SLC39A3: variants seen among roughly 807,000 people sequenced by gnomAD.
SLC39A3 encodes the protein zinc transporter ZIP3.
Under a neutral mutation model 5.1 loss-of-function variants are expected in SLC39A3, and 3 were observed. The observed-to-expected ratio is 0.59, with a 90% CI of 0.27 to 1.54. SLC39A3 has a LOEUF of 1.54. SLC39A3 is among the 40% of genes most tolerant of loss of function. The pLI is 0.12. For missense variants in SLC39A3, 412 were observed against 436.4 expected (o/e 0.94, Z 0.50); for synonymous variants, 250 against 218.8 (o/e 1.14, Z -1.26).
chr19:2,733,235 C>T lies in SLC39A3; in HGVS notation c.461G>A (p.Gly154Asp), dbSNP rs918575150. ...HALYVEPHGH[G>D]PSLSVQGLSR... ...GAGGCCCTGCACGCTCAGGCTGGGG[C>T]CGTGGCCGTGGGGCTCCACGTACAG... Residue 154 changes from glycine to aspartate, a missense_variant, in exon 3 of 3, where the codon GGC becomes GAC. Transcript: ENST00000269740. This position sits in a 1 kb window ranked among gnomAD's most constrained non-coding sequence, Gnocchi z 6.1. The T allele has an allele frequency of 6.2e-7, 1 of 1,608,738 alleles. No homozygotes were observed. Among genetic ancestry groups the T allele is most frequent in the Non-Finnish European group, 8.5e-7 (1 of 1,177,482 alleles).
In SLC39A3 at chr19:2,733,273, C is replaced by T. The variant is rs938541300; in HGVS notation, c.423G>A (p.Ala141=). Reference sequence around the variant, plus strand: ...GCTCCACGTACAGCGCGTGGCCCCGCGCGCCCCCCATGAAGGGGCTCTCAT... The same window carrying T: ...GCTCCACGTACAGCGCGTGGCCCCGTGCGCCCCCCATGAAGGGGCTCTCAT... The part of the protein sequence containing the change: ...SEYESPFMGG[A]RGHALYVEPH... The change falls in exon 3 of 3, where the codon GCG becomes GCA. Residue 141 remains alanine (A), a synonymous_variant. Coordinates refer to ENST00000269740, the MANE Select transcript of SLC39A3 (RefSeq NM_144564.5). This position sits in a 1 kb window ranked among gnomAD's most constrained non-coding sequence, Gnocchi z 6.1. The T allele has an allele frequency of 1.7e-5, 27 of 1,612,500 alleles. No individual in the cohort carries two copies. Among genetic ancestry groups the T allele is most frequent in the Admixed American group, 1.0e-4 (6 of 59,994 alleles).
chr19:2,737,115 T>C lies in SLC39A3; in HGVS notation c.143A>G (p.Asn48Ser), dbSNP rs777391919. 6.2e-7 allele frequency: 1 copy of C among 1,614,142 alleles called. No homozygotes were observed. The highest frequency in any genetic ancestry group is 8.5e-7 in the Non-Finnish European group (1 of 1,180,018). The change falls in exon 2 of 3, where the codon AAC becomes AGC. Residue 48 changes from asparagine to serine, a missense_variant. Transcript: ENST00000269740. ...HRSKKILSLC[N>S]TFGGGVFLAT... ...CAGAAACACCCCTCCTCCAAAGGTG[T>C]TGCAGAGAGAGAGGATCTTTTTCGA...
Position 2,735,264 on chromosome 19 carries a change from C to T in SLC39A3, c.211-1779G>A, listed in dbSNP as rs1255351942. On this transcript the variant is annotated intron_variant, in intron 2 of 2. Coordinates refer to ENST00000269740, the MANE Select transcript of SLC39A3 (RefSeq NM_144564.5). The surrounding 1 kb of genome is among the most constrained non-coding windows in gnomAD (Gnocchi z 5.7). The stretch of plus-strand genomic sequence containing the variant: ...CAGTCTTCACACACCGCGTAACGAA[C>T]GAATGCAGACTCAGCCACGCGGAAC... 6.2e-6 allele frequency: 6 copies of T among 968,554 alleles called. No homozygotes were observed. The highest frequency in any genetic ancestry group is 5.2e-4 in the Middle Eastern group (1 of 1,906). 60.0% of individuals were successfully genotyped at this position (968,554 alleles called of 1,614,324 possible). A position where few individuals can be genotyped will look rare whatever the true frequency, so the allele number is the denominator to read the frequency against.
intron 1 of SLC39A3, among the ~76,000 whole-genome samples, chr19:2,738,517 G>T (rs1237532870): frequency 1.3e-5 from 2 of 152,108 alleles, no homozygotes; most frequent in East Asian, 1.9e-4. Flanking sequence ...CTCTGCATGG[G>T]TTCTCCTCTC....
At position 2,737,139 on chromosome 19, in the gene SLC39A3, G is replaced by A. The variant is rs1337234127; in HGVS notation, c.119C>T (p.Ser40Leu). The change falls in exon 2 of 3, where the codon TCG (serine) becomes TTG (leucine). Residue 40 changes from serine (S) to leucine (L), a missense_variant. Ser to Leu is a moderately radical substitution (Grantham distance 145, BLOSUM62 -2). Transcript: ENST00000269740. ...IETDFEKAHR[S>L]KKILSLCNTF... ...GTTGCAGAGAGAGAGGATCTTTTTCGAGCGATGGGCCTTCTCAAAATCTGT... is the reference window on the plus strand; with the variant it reads ...GTTGCAGAGAGAGAGGATCTTTTTCAAGCGATGGGCCTTCTCAAAATCTGT... The A allele has an allele frequency of 3.1e-6, 5 of 1,614,100 alleles. No homozygotes were observed. The highest frequency in any genetic ancestry group is 4.2e-6 in the Non-Finnish European group (5 of 1,180,020).
rs1427269001 is a variant in SLC39A3 at position 2,735,939 on chromosome 19, T to C, written c.210+1109A>G. On this transcript the variant is annotated intron_variant, in intron 2 of 2. Transcript: ENST00000269740. The surrounding 1 kb of genome is among the most constrained non-coding windows in gnomAD (Gnocchi z 5.7). ...AGGGGTTGGGGGATAAGCTTAGGGC[T>C]TCCATGCTTTCGTTGGGAGGAAGAA... 12 of 985,474 alleles carry C rather than the reference T, an allele frequency of 1.2e-5. No homozygotes were observed. In the South Asian group the frequency reaches 4.7e-4, roughly 39 times the overall value. 61.0% of individuals were successfully genotyped at this position (985,474 alleles called of 1,614,324 possible). A position where few individuals can be genotyped will look rare whatever the true frequency, so the allele number is the denominator to read the frequency against.
In SLC39A3 at chr19:2,733,315, C is replaced by T. The variant is rs1914255656; in HGVS notation, c.381G>A (p.Val127=). The change falls in exon 3 of 3, where the codon GTG becomes GTA. Residue 127 remains valine (V), a synonymous_variant. Coordinates refer to ENST00000269740, the MANE Select transcript of SLC39A3 (RefSeq NM_144564.5). The surrounding 1 kb of genome is among the most constrained non-coding windows in gnomAD (Gnocchi z 6.1). ...DLETFNAGSD[V]GSDSEYESPF... Reference sequence around the variant, plus strand: ...GGCTCTCATACTCCGAGTCGCTGCCCACGTCCGATCCGGCGTTGAAGGTCT... The same window carrying T: ...GGCTCTCATACTCCGAGTCGCTGCCTACGTCCGATCCGGCGTTGAAGGTCT... 6.2e-7 allele frequency: 1 copy of T among 1,613,036 alleles called. No homozygotes were observed. The highest frequency in any genetic ancestry group is 1.7e-5 in the Admixed American group (1 of 60,028).
rs199647177 is a variant in SLC39A3, at chr19:2,733,322, G to A, written c.374C>T (p.Ser125Leu). The A allele has an allele frequency of 1.9e-4, 308 of 1,613,058 alleles. No individual in the cohort carries two copies. Among genetic ancestry groups the A allele is most frequent in the South Asian group, 4.8e-4 (44 of 91,086 alleles). Reference protein sequence around the residue: ...FIDLETFNAGSDVGSDSEYES... With the variant: ...FIDLETFNAGLDVGSDSEYES... The stretch of plus-strand genomic sequence containing the variant: ...ATACTCCGAGTCGCTGCCCACGTCC[G>A]ATCCGGCGTTGAAGGTCTCCAGGTC... Residue 125 changes from serine (S) to leucine (L), a missense_variant, in exon 3 of 3, where the codon TCG becomes TTG. Transcript: ENST00000269740. This position sits in a 1 kb window ranked among gnomAD's most constrained non-coding sequence, Gnocchi z 6.1.
At chr19:2,739,209 C>G (rs1201583168) in intron 1 of SLC39A3, among the ~76,000 whole-genome samples, 1 of 151,524 alleles carries the variant, frequency 6.6e-6, no homozygotes, top group Non-Finnish European at 1.5e-5. Context: ...AACAGATACT[C>G]AAAAACCGCT....
chr19:2,734,817 G>A lies in SLC39A3; in HGVS notation c.211-1332C>T. ...TTAACTCCCTCACTGACCACCGGCT[G>A]GAGGCCTCATGCATGCCTCGCTTGA... On this transcript the variant is annotated intron_variant, in intron 2 of 2. Transcript: ENST00000269740. The surrounding 1 kb of genome is among the most constrained non-coding windows in gnomAD (Gnocchi z 4.6). 2 of 985,496 alleles carry A rather than the reference G, an allele frequency of 2.0e-6. No homozygotes were observed. Among genetic ancestry groups the A allele is most frequent in the Non-Finnish European group, 2.4e-6 (2 of 829,972 alleles). The allele number at this position is 985,496 out of a possible 1,614,324, so 61.0% of individuals were successfully genotyped here.
In SLC39A3 at chr19:2,735,361, G is replaced by T; in HGVS notation, c.210+1687C>A. ...GGGCTAGCTGGGCCCTACGCTCCAG[G>T]TCTCGCAGGGTGTCATCAGGGCTGA... On this transcript the variant is annotated intron_variant, in intron 2 of 2. Transcript: ENST00000269740. This position sits in a 1 kb window ranked among gnomAD's most constrained non-coding sequence, Gnocchi z 5.7. 4.0e-6 allele frequency: 1 copy of T among 252,112 alleles called. No individual in the cohort carries two copies. The highest frequency in any genetic ancestry group is 6.3e-6 in the Non-Finnish European group (1 of 159,594). The allele number at this position is 252,112 out of a possible 1,614,324, so 15.6% of individuals were successfully genotyped here.
Position 2,732,814 on chromosome 19 carries a change from G to C in SLC39A3, c.882C>G (p.Leu294=), listed in dbSNP as rs775024323. The change falls in exon 3 of 3, where the codon CTC becomes CTG. Residue 294 remains leucine (L), a synonymous_variant. Coordinates refer to ENST00000269740, the MANE Select transcript of SLC39A3 (RefSeq NM_144564.5). ...KELEEKSDRL[L]KVLFLVLGYT... ...AGCCCAGCACCAGGAAGAGGACCTT[G>C]AGCAGACGGTCACTCTTCTCCTCCA... is the stretch of plus-strand genomic sequence containing the variant. 4.3e-6 allele frequency: 7 copies of C among 1,611,288 alleles called. No individual in the cohort carries two copies. The highest frequency in any genetic ancestry group is 1.7e-6 in the Non-Finnish European group (2 of 1,179,092).
Position 2,734,187 on chromosome 19 carries a change from G to A in SLC39A3, c.211-702C>T, listed in dbSNP as rs553431700. Among the ~76,000 whole-genome samples, 10 of 152,314 alleles carry A rather than the reference G, an allele frequency of 6.6e-5. No individual in the cohort carries two copies. The highest frequency in any genetic ancestry group is 1.9e-4 in the East Asian group (1 of 5,174). On this transcript the variant is annotated intron_variant, in intron 2 of 2. Coordinates refer to ENST00000269740, the MANE Select transcript of SLC39A3 (RefSeq NM_144564.5). The surrounding 1 kb of genome is among the most constrained non-coding windows in gnomAD (Gnocchi z 4.6). The stretch of plus-strand genomic sequence containing the variant: ...CGGACACGCAGGCATTAGGCTATGC[G>A]CCAGGATGAAATGTCTCATGAAAGG...
rs151008096 is a variant in SLC39A3 at position 2,735,511 on chromosome 19, G to C, written c.210+1537C>G. On this transcript the variant is annotated intron_variant, in intron 2 of 2. Coordinates refer to ENST00000269740, the MANE Select transcript of SLC39A3 (RefSeq NM_144564.5). The surrounding 1 kb of genome is among the most constrained non-coding windows in gnomAD (Gnocchi z 5.7). ...GTTGGCGGGGATGGCTCTTGGCACC[G>C]AGAGGCTGCCCTCGGGTCCTCGCTT... 6.5e-6 allele frequency: 1 copy of C among 153,904 alleles called. No homozygotes were observed. Among genetic ancestry groups the C allele is most frequent in the African/African-American group, 2.4e-5 (1 of 41,428 alleles). 9.5% of individuals were successfully genotyped at this position (153,904 alleles called of 1,614,324 possible). A position where few individuals can be genotyped will look rare whatever the true frequency, so the allele number is the denominator to read the frequency against.
chr19:2,736,569 A>G (rs1238654107), intron 2 of SLC39A3: 2 of 326,460 alleles, frequency 6.1e-6, no homozygotes, highest in Non-Finnish European at 9.6e-6. Context: ...CGTTGAGATG[A>G]GACCACAGCC....
intron 1 of SLC39A3, chr19:2,737,892 G>A (rs1193503599): frequency 2.6e-5 from 4 of 151,666 alleles, no homozygotes; most frequent in South Asian, 2.1e-4. Context: ...AAAGAAAAAA[G>A]TTCATCAAAA....
intron 2 of SLC39A3, chr19:2,736,640 A>ATT: frequency 1.9e-6 from 2 of 1,025,802 alleles, no homozygotes; most frequent in South Asian, 2.1e-5. Flanking sequence ...CCCCTGACTC[A>ATT]CAGAAACTGT....
At position 2,732,930 on chromosome 19, in the gene SLC39A3, C is replaced by T. The variant is rs751791563; in HGVS notation, c.766G>A (p.Val256Met). Residue 256 changes from valine to methionine, a missense_variant, in exon 3 of 3, where the codon GTG becomes ATG. By Grantham distance (21) the Val-to-Met change is conservative (BLOSUM62 1). Coordinates refer to ENST00000269740, the MANE Select transcript of SLC39A3 (RefSeq NM_144564.5). ...LGLGIESAQG[V>M]PGSVASVLLQ... is the part of the protein sequence containing the mutation. ...AGCACGGACGCCACGCTGCCCGGCA[C>T]GCCCTGGGCGCTCTCAATGCCCAGG... 86 of 1,608,868 alleles carry T rather than the reference C, an allele frequency of 5.3e-5. No individual in the cohort carries two copies. The Admixed American group carries it at 9.6e-4, about 18-fold the overall frequency.
chr19:2,737,086 T>C lies in SLC39A3; in HGVS notation c.172A>G (p.Thr58Ala). The change falls in exon 2 of 3, where the codon ACG (threonine) becomes GCG (alanine). Residue 58 changes from threonine (T) to alanine (A), a missense_variant. Physicochemically the swap from Thr to Ala is moderately conservative, Grantham distance 58. Coordinates refer to ENST00000269740, the MANE Select transcript of SLC39A3 (RefSeq NM_144564.5). ...NTFGGGVFLATCFNALLPAVR... is the reference protein window; with the variant it reads ...NTFGGGVFLAACFNALLPAVR... ...GCGGGCAGCAGAGCGTTGAAGCACGTGGCCAGAAACACCCCTCCTCCAAAG... is the reference window on the plus strand; with the variant it reads ...GCGGGCAGCAGAGCGTTGAAGCACGCGGCCAGAAACACCCCTCCTCCAAAG... 6.2e-7 allele frequency: 1 copy of C among 1,614,206 alleles called. No homozygotes were observed.
Sources: gnomAD v4.1 joint callset for allele counts (sites outside exome capture counted in the v4.1 genomes callset) on GRCh38, gnomAD v4.1.1 for gene constraint, Gnocchi (gnomAD v3.1) non-coding constraint, MANE v1.5 for transcripts, NCBI Gene and HGNC (gene_info 2026-07-23, HGNC 2026-07-21) for gene names.